The following AOAH variants were observed in gnomAD, a reference collection of about 807,000 sequenced individuals.
AOAH encodes acyloxyacyl hydrolase (neutrophil).
Under a neutral mutation model 92.2 loss-of-function variants are expected in AOAH, and 64 were observed. The observed-to-expected ratio is 0.69, with a 90% CI of 0.57 to 0.86. The LOEUF (loss-of-function observed/expected upper bound fraction) is 0.86. Among genes scored for constraint, AOAH ranks in the 40% least tolerant of loss-of-function variants. The pLI is 0.00. For missense variants in AOAH, 656 were observed against 694.6 expected, an observed-to-expected ratio of 0.94 and a Z score of 0.62; for synonymous variants, 263 against 254.5, an observed-to-expected ratio of 1.03 and a Z score of -0.32.
chr7:36,647,372 C>T lies in AOAH; in HGVS notation c.391-9462G>A, dbSNP rs143437877. On this transcript the variant is annotated intron_variant, in intron 4 of 20. Coordinates refer to ENST00000617537, the MANE Select transcript of AOAH (RefSeq NM_001637.4). ...ATGCTGGGAGAGCAGTGATTAAAGC[C>T]TTAAAACTCAAAGGATCTTTTAGAA... 4.1e-4 allele frequency among the ~76,000 whole-genome samples: 62 copies of T among 152,272 alleles called. 1 individual carries two copies. In the East Asian group the frequency reaches 9.3e-3, roughly 23 times the overall value.
At chr7:36,547,804 C>T (rs1465409010) in intron 15 of AOAH, among the ~76,000 whole-genome samples, 1 of 152,108 alleles carries the variant, frequency 6.6e-6, no homozygotes, top group Non-Finnish European at 1.5e-5. Flanking sequence ...AAGTTACTAC[C>T]AATACCAGCA....
At chr7:36,687,596 A>G (rs1797121608) in intron 1 of AOAH, among the ~76,000 whole-genome samples, 1 of 151,944 alleles carries the variant, frequency 6.6e-6, no homozygotes, top group African/African-American at 2.4e-5. Flanking sequence ...GTGGTTGGTC[A>G]AAGATCAGTA....
At chr7:36,629,846 A>C (rs908798198) in intron 6 of AOAH, among the ~76,000 whole-genome samples, 9 of 152,132 alleles carry the variant, frequency 5.9e-5, no homozygotes, top group Non-Finnish European at 7.4e-5. Context: ...TTAGGGGTTG[A>C]ATTGTGTTCA....
intron 12 of AOAH, among the ~76,000 whole-genome samples, chr7:36,584,952 A>T (rs1789206616): frequency 1.3e-5 from 2 of 152,148 alleles, no homozygotes; most frequent in South Asian, 4.1e-4. Context: ...GCCAGGTAAG[A>T]GGGCTACAAA....
chr7:36,677,348 A>G (rs771735112), intron 2 of AOAH, among the ~76,000 whole-genome samples: 9 of 152,236 alleles, frequency 5.9e-5, no homozygotes, highest in Non-Finnish European at 1.2e-4. Flanking sequence ...ACTCAACATC[A>G]TTAGCTACCA....
chr7:36,601,432 T>G (rs201915420), intron 11 of AOAH, among the ~76,000 whole-genome samples: 1 of 151,866 alleles, frequency 6.6e-6, no homozygotes, highest in Non-Finnish European at 1.5e-5. Flanking sequence ...GGCACTCTGT[T>G]GGACTCCATA....
At chr7:36,621,683 A>C in intron 8 of AOAH, 27 bp downstream of exon 8, 1 of 1,611,678 alleles carries the variant, frequency 6.2e-7, no homozygotes, top group Non-Finnish European at 8.5e-7. Context: ...ATAATTTTAA[A>C]AATCAGCAAC....
intron 5 of AOAH, among the ~76,000 whole-genome samples, chr7:36,636,489 A>G (rs372847690): frequency 6.6e-6 from 1 of 152,224 alleles, no homozygotes; most frequent in Non-Finnish European, 1.5e-5. Flanking sequence ...ATTGTTCTCC[A>G]TTTCTGCTCA....
In AOAH at chr7:36,522,024, T is replaced by C. The variant is rs745980509; in HGVS notation, c.1599+15A>G. 12 of 1,610,440 alleles carry C rather than the reference T, an allele frequency of 7.5e-6. No homozygotes were observed. Among genetic ancestry groups the C allele is most frequent in the Middle Eastern group, 1.7e-4 (1 of 6,056 alleles). ...ATCAAATAGCCTTCTGCAGCCACCA[T>C]GTGACTGTGCTTACCTCGTTGGGGT... is the stretch of plus-strand genomic sequence containing the variant. On this transcript the variant is annotated intron_variant, in intron 20 of 20. Transcript: ENST00000617537.
intron 3 of AOAH, among the ~76,000 whole-genome samples, chr7:36,662,301 C>CACCT (rs766168239): frequency 4.5e-4 from 69 of 152,322 alleles, no homozygotes; most frequent in Middle Eastern, 3.4e-3. Context: ...CTTTTGTGAG[C>CACCT]ACCTGAGTTA....
chr7:36,564,013 G>A (rs1787491633), intron 13 of AOAH, among the ~76,000 whole-genome samples: 1 of 152,138 alleles, frequency 6.6e-6, no homozygotes, highest in Non-Finnish European at 1.5e-5. Flanking sequence ...TTAAAAGGAT[G>A]CATAATAATA....
chr7:36,558,929 G>A (rs981839073), intron 13 of AOAH, among the ~76,000 whole-genome samples: 3 of 152,238 alleles, frequency 2.0e-5, no homozygotes, highest in Non-Finnish European at 4.4e-5. Flanking sequence ...TGCACTTCCC[G>A]AGTGAGGCAA....
chr7:36,553,939 T>A (rs1163485983), intron 13 of AOAH, among the ~76,000 whole-genome samples: 1 of 152,184 alleles, frequency 6.6e-6, no homozygotes, highest in South Asian at 2.1e-4. Context: ...AGGTTGCCTG[T>A]TCACTCTGAT....
At chr7:36,679,501 A>G (rs888924802) in intron 2 of AOAH, among the ~76,000 whole-genome samples, 4 of 132,674 alleles carry the variant, frequency 3.0e-5, no homozygotes, top group African/African-American at 1.1e-4. Flanking sequence ...TGCTTAGGAC[A>G]TTTTATTTGA....
chr7:36,515,395 A>G (rs1245834644), intron 20 of AOAH, among the ~76,000 whole-genome samples: 5 of 92,572 alleles, frequency 5.4e-5, no homozygotes, highest in Non-Finnish European at 8.3e-5. Flanking sequence ...TCACAACCCC[A>G]CACCACACAC....
intron 4 of AOAH, among the ~76,000 whole-genome samples, chr7:36,653,922 C>T (rs4410805): frequency 3.6e-3 from 544 of 152,294 alleles, no homozygotes; most frequent in Non-Finnish European, 5.7e-3. Context: ...CAGGATGCTT[C>T]TGGCTCAAGC....
intron 19 of AOAH, among the ~76,000 whole-genome samples, chr7:36,530,176 T>C (rs1470377332): frequency 1.3e-5 from 2 of 152,180 alleles, no homozygotes; most frequent in Admixed American, 1.3e-4. Flanking sequence ...ACTGGCTCTA[T>C]TGCATCAGGG....
At chr7:36,719,291 T>C (rs1030876401) in intron 1 of AOAH, among the ~76,000 whole-genome samples, 22 of 152,216 alleles carry the variant, frequency 1.4e-4, no homozygotes, top group Admixed American at 5.2e-4. Flanking sequence ...TTGGCTGTAG[T>C]GACTTTCTCC....
intron 13 of AOAH, 43 bp from the exon 14 acceptor site, chr7:36,549,518 C>A: frequency 7.6e-7 from 1 of 1,317,034 alleles, no homozygotes; most frequent in South Asian, 1.2e-5. Flanking sequence ...TTAGTGAGTT[C>A]AATTTCACAC....
Sources: gnomAD v4.1 joint callset for allele counts (sites outside exome capture counted in the v4.1 genomes callset) on GRCh38, gnomAD v4.1.1 for gene constraint, MANE v1.5 for transcripts, NCBI Gene and HGNC (gene_info 2026-07-23, HGNC 2026-07-21) for gene names.